GPRIN3: variants seen among roughly 807,000 people sequenced by gnomAD.
GPRIN3 encodes the protein GPRIN family member 3, also known as G protein-regulated inducer of neurite outgrowth 3.
In GPRIN3, 12 loss-of-function variants were observed where a neutral mutation model predicts 13.7. The observed-to-expected ratio is 0.87, with a 90% CI of 0.56 to 1.42. The LOEUF is 1.42. GPRIN3 is among the 40% of genes most tolerant of loss of function. GPRIN3 has a pLI of 0.00. For missense variants in GPRIN3, 1,009 were observed against 958.7 expected, an observed-to-expected ratio of 1.05 and a Z score of -0.69; for synonymous variants, 377 against 372.7, an observed-to-expected ratio of 1.01 and a Z score of -0.13.
intron 1 of GPRIN3, among the ~76,000 whole-genome samples, chr4:89,279,582 C>T (rs1048383059): frequency 1.3e-5 from 2 of 152,254 alleles, no homozygotes; most frequent in African/African-American, 4.8e-5. Flanking sequence ...GTCATTTCTG[C>T]TATTCCGCTG....
intron 1 of GPRIN3, among the ~76,000 whole-genome samples, chr4:89,292,062 C>T (rs1405254632): frequency 6.6e-6 from 1 of 152,078 alleles, no homozygotes; most frequent in Non-Finnish European, 1.5e-5. Context: ...CTCTGCCACC[C>T]CATCCCAAGT....
At chr4:89,270,377 A>G (rs1027368007) in intron 1 of GPRIN3, among the ~76,000 whole-genome samples, 9 of 151,580 alleles carry the variant, frequency 5.9e-5, no homozygotes, top group African/African-American at 1.7e-4. Context: ...CTGAAATCAA[A>G]TAACTTATCA....
chr4:89,237,994 A>G lies in GPRIN3; in HGVS notation c.*9786T>C, dbSNP rs1449026395. The G allele has an allele frequency of 6.6e-6, 1 of 152,216 alleles. No homozygotes were observed. The highest frequency in any genetic ancestry group is 2.4e-5 in the African/African-American group (1 of 41,450). 9.4% of individuals were successfully genotyped at this position (152,216 alleles called of 1,614,324 possible). A position where few individuals can be genotyped will look rare whatever the true frequency, so the allele number is the denominator to read the frequency against. On this transcript the variant is annotated 3_prime_UTR_variant, in exon 2 of 2. Coordinates refer to ENST00000609438, the MANE Select transcript of GPRIN3 (RefSeq NM_198281.3). Reference sequence around the variant, plus strand: ...TTGCAAGATCTAACTTCTCCAGGCAAGGCATTTATATCTTTGGAAATGCAT... The same window carrying G: ...TTGCAAGATCTAACTTCTCCAGGCAGGGCATTTATATCTTTGGAAATGCAT...
At chr4:89,305,519 G>T (rs1300648513) in intron 1 of GPRIN3, among the ~76,000 whole-genome samples, 4 of 152,132 alleles carry the variant, frequency 2.6e-5, no homozygotes, top group African/African-American at 9.7e-5. Context: ...TGCATAAAGG[G>T]CAGGAGCAGC....
rs534842553 is a variant in GPRIN3, at chr4:89,245,486, A to G, written c.*2294T>C. The G allele has an allele frequency of 6.6e-6, 1 of 152,378 alleles. No individual in the cohort carries two copies. The highest frequency in any genetic ancestry group is 1.5e-5 in the Non-Finnish European group (1 of 68,042). The allele number at this position is 152,378 out of a possible 1,614,324, so 9.4% of individuals were successfully genotyped here. ...TGCTTCATTTAACTGTTTACAAATC[A>G]TGTGGTTACTCTAAAGTCATGAAAA... On this transcript the variant is annotated 3_prime_UTR_variant, in exon 2 of 2. Coordinates refer to ENST00000609438, the MANE Select transcript of GPRIN3 (RefSeq NM_198281.3).
rs563053115 is a variant in GPRIN3, at chr4:89,238,806, G to A, written c.*8974C>T. ...TCTGCACATTCATGGTTAAAAGAAC[G>A]ATTTCAATAGCAGTGGAAACAATAA... is the stretch of plus-strand genomic sequence containing the variant. On this transcript the variant is annotated 3_prime_UTR_variant, in exon 2 of 2. Coordinates refer to ENST00000609438, the MANE Select transcript of GPRIN3 (RefSeq NM_198281.3). The A allele has an allele frequency of 3.3e-5, 5 of 152,210 alleles. No individual in the cohort carries two copies. The highest frequency in any genetic ancestry group is 2.1e-4 in the South Asian group (1 of 4,822). 9.4% of individuals were successfully genotyped at this position (152,210 alleles called of 1,614,324 possible).
At chr4:89,252,944 C>T (rs912910196) in intron 1 of GPRIN3, among the ~76,000 whole-genome samples, 1 of 149,758 alleles carries the variant, frequency 6.7e-6, no homozygotes, top group Non-Finnish European at 1.5e-5. Context: ...TTCAAGGCCC[C>T]ACTTAAATCC....
chr4:89,269,575 C>T (rs1268583689), intron 1 of GPRIN3, among the ~76,000 whole-genome samples: 3 of 152,132 alleles, frequency 2.0e-5, no homozygotes, highest in Non-Finnish European at 4.4e-5. Flanking sequence ...TTCACTAGAG[C>T]AGGCAAGATA....
intron 1 of GPRIN3, among the ~76,000 whole-genome samples, chr4:89,288,399 A>C (rs890460470): frequency 5.9e-5 from 9 of 152,200 alleles, no homozygotes; most frequent in African/African-American, 2.2e-4. Flanking sequence ...TTAAACCAAT[A>C]TTCTCTTCAA....
At chr4:89,277,500 A>G (rs1724127493) in intron 1 of GPRIN3, among the ~76,000 whole-genome samples, 1 of 152,212 alleles carries the variant, frequency 6.6e-6, no homozygotes, top group Non-Finnish European at 1.5e-5. Context: ...ACAGGACCTT[A>G]TATGGTCAGT....
intron 1 of GPRIN3, among the ~76,000 whole-genome samples, chr4:89,282,517 A>G (rs1210232158): frequency 6.6e-6 from 1 of 152,004 alleles, no homozygotes; most frequent in Non-Finnish European, 1.5e-5. Flanking sequence ...GCTTGTCCTT[A>G]TGCAGTCCAG....
At chr4:89,267,815 A>G (rs1723821932) in intron 1 of GPRIN3, among the ~76,000 whole-genome samples, 1 of 152,232 alleles carries the variant, frequency 6.6e-6, no homozygotes, top group Non-Finnish European at 1.5e-5. Flanking sequence ...AGAAACCTAC[A>G]CAAAGAAAGG....
At chr4:89,307,339 T>C (rs1725061712) in intron 1 of GPRIN3, among the ~76,000 whole-genome samples, 1 of 151,524 alleles carries the variant, frequency 6.6e-6, no homozygotes, top group African/African-American at 2.4e-5. Flanking sequence ...ACCCGATTGA[T>C]TATAAATTTC....
intron 1 of GPRIN3, among the ~76,000 whole-genome samples, chr4:89,277,231 T>C (rs1280759899): frequency 6.6e-6 from 1 of 152,126 alleles, no homozygotes; most frequent in Admixed American, 6.5e-5. Context: ...ATGGTAACCA[T>C]AGTGGCCAGT....
chr4:89,248,112 GC>G lies in GPRIN3; in HGVS notation c.1998del (p.Gln666HisfsTer10). 1 of 1,614,172 alleles carries G rather than the reference GC, an allele frequency of 6.2e-7. No individual in the cohort carries two copies. On this transcript the variant is annotated frameshift_variant, in exon 2 of 2. Coordinates refer to ENST00000609438, the MANE Select transcript of GPRIN3 (RefSeq NM_198281.3). LOFTEE classifies it high-confidence loss of function. The stretch of plus-strand genomic sequence containing the variant: ...AGCTGGAGCTTGGAGTCTGCGCCAA[GC>G]TGCTTTTTCTTATCTCCTGGAGTGA... ...VGLTPGDKKK[Q>X]LGADSKLQLK...
chr4:89,284,749 C>T (rs1159542577), intron 1 of GPRIN3, among the ~76,000 whole-genome samples: 2 of 152,202 alleles, frequency 1.3e-5, no homozygotes, highest in Non-Finnish European at 2.9e-5. Flanking sequence ...GCCAACCCAA[C>T]TCCCCATTCC....
chr4:89,293,344 A>G (rs745467074), intron 1 of GPRIN3, among the ~76,000 whole-genome samples: 1 of 152,202 alleles, frequency 6.6e-6, no homozygotes, highest in African/African-American at 2.4e-5. Context: ...ATCGTTCTTC[A>G]TTCCAGTTGG....
At chr4:89,268,577 A>G (rs1723845556) in intron 1 of GPRIN3, among the ~76,000 whole-genome samples, 2 of 152,250 alleles carry the variant, frequency 1.3e-5, no homozygotes, top group South Asian at 4.1e-4. Flanking sequence ...GTATAGTCCA[A>G]TAAAAGCAGT....
At chr4:89,253,152 A>G (rs560304908) in intron 1 of GPRIN3, among the ~76,000 whole-genome samples, 1 of 152,244 alleles carries the variant, frequency 6.6e-6, no homozygotes, top group African/African-American at 2.4e-5. Flanking sequence ...CAAGCCCCGG[A>G]AGGAAAAGAA....
Sources: allele counts gnomAD v4.1 joint callset (sites outside exome capture counted in the v4.1 genomes callset), GRCh38; gene constraint gnomAD v4.1.1; transcripts MANE v1.5; gene names NCBI Gene and HGNC (gene_info 2026-07-23, HGNC 2026-07-21).